The following ZNF804B variants were observed in gnomAD, a reference collection of about 807,000 sequenced individuals.
The protein encoded by ZNF804B is zinc finger 804B.
A neutral mutation model predicts 101.4 loss-of-function variants in ZNF804B; 80 were observed. That is an observed-to-expected ratio of 0.79 (90% confidence interval 0.66 to 0.95). ZNF804B has a LOEUF of 0.95. ZNF804B is among the 40% of genes least tolerant of loss of function. The pLI, the probability that ZNF804B is intolerant of heterozygous loss-of-function variation, is 0.00. For synonymous variants in ZNF804B, 622 were observed against 558.8 expected, an observed-to-expected ratio of 1.11 and a Z score of -1.59; for missense variants, 1,673 against 1,561.9, an observed-to-expected ratio of 1.07 and a Z score of -1.20.
intron 1 of ZNF804B, among the ~76,000 whole-genome samples, chr7:89,122,435 G>C (rs766100278): frequency 6.6e-6 from 1 of 152,078 alleles, no homozygotes; most frequent in Non-Finnish European, 1.5e-5. Flanking sequence ...TATTACTAAC[G>C]TTGTTTAGAA....
intron 1 of ZNF804B, among the ~76,000 whole-genome samples, chr7:88,780,624 C>A (rs1417154509): frequency 1.3e-5 from 2 of 151,802 alleles, no homozygotes; most frequent in East Asian, 1.9e-4. Flanking sequence ...TGGGCTCAAG[C>A]GATCCGCCCA....
intron 1 of ZNF804B, among the ~76,000 whole-genome samples, chr7:89,112,105 C>CAAAAAAAAAAA (rs3060290): frequency 8.4e-6 from 1 of 118,792 alleles, no homozygotes; most frequent in Non-Finnish European, 1.7e-5. Context: ...GACTCTATCT[C>CAAAAAAAAAAA]AAAAAAAAAA....
chr7:89,083,564 A>G (rs1242019588), intron 1 of ZNF804B, among the ~76,000 whole-genome samples: 1 of 151,804 alleles, frequency 6.6e-6, no homozygotes, highest in Non-Finnish European at 1.5e-5. Flanking sequence ...TTGAGGATGT[A>G]CCTAACTTTA....
chr7:88,874,200 G>C (rs1462844619), intron 1 of ZNF804B, among the ~76,000 whole-genome samples: 1 of 152,022 alleles, frequency 6.6e-6, no homozygotes, highest in Non-Finnish European at 1.5e-5. Context: ...CTTGTAAGTT[G>C]GATTCCTAGG....
intron 3 of ZNF804B, among the ~76,000 whole-genome samples, chr7:89,331,754 C>T (rs567525386): frequency 8.6e-5 from 13 of 151,324 alleles, no homozygotes; most frequent in Admixed American, 7.9e-4. Flanking sequence ...AAGAAATTCT[C>T]CCTGAACTAT....
Position 88,906,822 on chromosome 7 carries a change from T to C in ZNF804B, c.108+146738T>C, listed in dbSNP as rs145503097. On this transcript the variant is annotated intron_variant, in intron 1 of 3. Transcript: ENST00000333190. ...TGCCTCAACAATGTATATAATGCTG[T>C]TAATGGTGTGTTAAAGTTTCCCACT... is the stretch of plus-strand genomic sequence containing the variant. 4.1e-4 allele frequency among the ~76,000 whole-genome samples: 62 copies of C among 152,196 alleles called. No homozygotes were observed. The East Asian group carries it at 0.01, about 25-fold the overall frequency.
intron 2 of ZNF804B, among the ~76,000 whole-genome samples, chr7:89,321,179 C>A (rs1442128701): frequency 6.6e-6 from 1 of 151,944 alleles, no homozygotes; most frequent in African/African-American, 2.4e-5. Context: ...TTAACATAAA[C>A]TGTAATAAAT....
intron 1 of ZNF804B, among the ~76,000 whole-genome samples, chr7:88,814,818 A>G (rs1250224635): frequency 6.6e-6 from 1 of 152,010 alleles, no homozygotes; most frequent in African/African-American, 2.4e-5. Flanking sequence ...TCCTACAGAA[A>G]GATTTGAATT....
At chr7:88,998,905 G>C (rs939767297) in intron 1 of ZNF804B, among the ~76,000 whole-genome samples, 2 of 151,960 alleles carry the variant, frequency 1.3e-5, no homozygotes, top group African/African-American at 4.8e-5. Flanking sequence ...AGGGCAAAAG[G>C]CTTTTACAAT....
intron 2 of ZNF804B, among the ~76,000 whole-genome samples, chr7:89,274,021 C>T (rs533664390): frequency 1.3e-5 from 2 of 151,928 alleles, no homozygotes; most frequent in Admixed American, 1.3e-4. Flanking sequence ...AAAGAGTAGA[C>T]ATACTAAAAA....
At chr7:88,853,434 A>T (rs1217777146) in intron 1 of ZNF804B, among the ~76,000 whole-genome samples, 1 of 152,098 alleles carries the variant, frequency 6.6e-6, no homozygotes, top group African/African-American at 2.4e-5. Context: ...CTGCTCTCCT[A>T]GAGTTCTTGG....
chr7:88,965,587 A>C (rs1240035687), intron 1 of ZNF804B, among the ~76,000 whole-genome samples: 1 of 151,448 alleles, frequency 6.6e-6, no homozygotes, highest in Non-Finnish European at 1.5e-5. Context: ...ACTTGAAAAC[A>C]GATGGCCCAT....
intron 1 of ZNF804B, among the ~76,000 whole-genome samples, chr7:89,065,229 C>T (rs1789441034): frequency 1.3e-5 from 2 of 152,126 alleles, no homozygotes; most frequent in Admixed American, 6.5e-5. Flanking sequence ...TGAGCTAGAA[C>T]TAAATCATTC....
At chr7:89,306,805 C>T (rs573389388) in intron 2 of ZNF804B, among the ~76,000 whole-genome samples, 41 of 152,080 alleles carry the variant, frequency 2.7e-4, no homozygotes, top group African/African-American at 8.2e-4. Flanking sequence ...ACTTCAGTAG[C>T]GGTTTAGAAC....
At chr7:88,827,304 T>C (rs1791063264) in intron 1 of ZNF804B, among the ~76,000 whole-genome samples, 1 of 151,604 alleles carries the variant, frequency 6.6e-6, no homozygotes, top group African/African-American at 2.4e-5. Flanking sequence ...ATATAATAAT[T>C]ATAAAGAAAG....
chr7:89,218,229 C>G lies in ZNF804B; in HGVS notation c.183C>G (p.Asp61Glu). The G allele has an allele frequency of 1.2e-6, 2 of 1,613,842 alleles. No individual in the cohort carries two copies. The highest frequency in any genetic ancestry group is 1.7e-6 in the Non-Finnish European group (2 of 1,179,842). ...CAAACTTTTACTGTGAATTATGTGA[C>G]AAGCAGTATCACAAACACCAGGAGT... ...VKANFYCELCDKQYHKHQEFD... is the reference protein window; with the variant it reads ...VKANFYCELCEKQYHKHQEFD... The change falls in exon 2 of 4, where the codon GAC becomes GAG. Residue 61 changes from aspartate to glutamate, a missense_variant. Coordinates refer to ENST00000333190, the MANE Select transcript of ZNF804B (RefSeq NM_181646.5).
At chr7:88,893,746 GATATA>G (rs1219664286) in intron 1 of ZNF804B, among the ~76,000 whole-genome samples, 1 of 152,108 alleles carries the variant, frequency 6.6e-6, no homozygotes, top group African/African-American at 2.4e-5. Context: ...CATTTTGAAA[GATATA>G]ATAGACAATA....
intron 2 of ZNF804B, among the ~76,000 whole-genome samples, chr7:89,261,646 C>T (rs529132262): frequency 1.3e-5 from 2 of 152,296 alleles, no homozygotes; most frequent in African/African-American, 4.8e-5. Flanking sequence ...CTACTACACA[C>T]CTAATCTATA....
At chr7:88,958,990 C>T (rs1793353853) in intron 1 of ZNF804B, among the ~76,000 whole-genome samples, 1 of 151,414 alleles carries the variant, frequency 6.6e-6, no homozygotes, top group Non-Finnish European at 1.5e-5. Context: ...TTCAAGGTTT[C>T]ACCTGTGATT....
Sources: gnomAD v4.1 joint callset for allele counts (sites outside exome capture counted in the v4.1 genomes callset) on GRCh38, gnomAD v4.1.1 for gene constraint, MANE v1.5 for transcripts, NCBI Gene and HGNC (gene_info 2026-07-23, HGNC 2026-07-21) for gene names.